MAST2: variants seen among roughly 807,000 people sequenced by gnomAD.
MAST2 encodes the protein microtubule-associated serine/threonine-protein kinase 2.
Under a neutral mutation model 147.4 loss-of-function variants are expected in MAST2, and 70 were observed. The observed-to-expected ratio is 0.47, with a 90% CI of 0.39 to 0.58. MAST2 has a LOEUF of 0.58. MAST2 is among the 20% of genes least tolerant of loss of function. MAST2 has a pLI of 0.00. For missense variants in MAST2, 2,080 were observed against 2,302.3 expected (o/e 0.90, Z 1.98); for synonymous variants, 869 against 896.8 (o/e 0.97, Z 0.55).
At chr1:45,869,536 C>CT (rs1646294138) in intron 3 of MAST2, among the ~76,000 whole-genome samples, 1 of 152,186 alleles carries the variant, frequency 6.6e-6, no homozygotes, top group Admixed American at 6.5e-5. Flanking sequence ...AACATAGTCT[C>CT]TATCAGTCCC....
At chr1:45,864,965 G>C (rs1294645533) in intron 3 of MAST2, 1 of 371,122 alleles carries the variant, frequency 2.7e-6, no homozygotes, top group Non-Finnish European at 5.3e-6. Flanking sequence ...ACTTACGCTG[G>C]ACAGAGGGAT....
intron 5 of MAST2, among the ~76,000 whole-genome samples, chr1:45,995,101 A>G (rs892894057): frequency 2.0e-5 from 3 of 152,086 alleles, no homozygotes; most frequent in African/African-American, 7.2e-5. Context: ...CAGCCTCCCA[A>G]AGTGCTGGGA....
chr1:45,939,992 T>TGTTTTTTTTGTTTTTTTTG (rs1470991333), intron 4 of MAST2, among the ~76,000 whole-genome samples: 5 of 138,756 alleles, frequency 3.6e-5, no homozygotes, highest in Non-Finnish European at 4.7e-5. Flanking sequence ...TTTTTTTTTT[T>TGTTTTTTTTGTTTTTTTTG]TTTTTTTTTG....
chr1:45,827,116 C>CCA (rs1644818553), intron 2 of MAST2, among the ~76,000 whole-genome samples: 1 of 152,166 alleles, frequency 6.6e-6, no homozygotes, highest in Admixed American at 6.6e-5. Flanking sequence ...GCGGGAGCCA[C>CCA]CACGCTCTGC....
At chr1:45,904,028 A>C (rs1330622981) in intron 4 of MAST2, among the ~76,000 whole-genome samples, 1 of 152,196 alleles carries the variant, frequency 6.6e-6, no homozygotes, top group Admixed American at 6.5e-5. Flanking sequence ...GTTTAGACAC[A>C]GGGTCTCAGT....
chr1:45,859,259 C>G (rs1164521087), intron 3 of MAST2, among the ~76,000 whole-genome samples: 1 of 152,114 alleles, frequency 6.6e-6, no homozygotes, highest in Non-Finnish European at 1.5e-5. Flanking sequence ...GCCATCACAC[C>G]CAGCTAATTG....
At chr1:45,937,747 ATC>A (rs1656480976) in intron 4 of MAST2, among the ~76,000 whole-genome samples, 1 of 71,948 alleles carries the variant, frequency 1.4e-5, no homozygotes, top group Non-Finnish European at 2.6e-5. Context: ...GTGAAACTCC[ATC>A]TCAAAAAAAA....
intron 3 of MAST2, among the ~76,000 whole-genome samples, chr1:45,859,798 C>G (rs1645916035): frequency 6.6e-6 from 1 of 152,130 alleles, no homozygotes; most frequent in South Asian, 2.1e-4. Flanking sequence ...GACTTTTTAT[C>G]TAGTCATTGG....
chr1:45,899,312 T>TTC (rs1366102657), intron 4 of MAST2, among the ~76,000 whole-genome samples: 10 of 146,666 alleles, frequency 6.8e-5, no homozygotes, highest in African/African-American at 2.0e-4. Context: ...CTTTTCTTTT[T>TTC]TTTTTTTTTT....
chr1:46,030,722 A>G lies in MAST2; in HGVS notation c.2669A>G (p.Lys890Arg). ...EDHSDGLAGLKGRDRSWVIGS... is the reference protein window; with the variant it reads ...EDHSDGLAGLRGRDRSWVIGS... ...CATTCAGATGGCCTGGCAGGGCTCA[A>G]AGGCCGAGACCGGAGCTGGGTGATT... The change falls in exon 22 of 29, where the codon AAA (lysine) becomes AGA (arginine). Residue 890 changes from lysine to arginine, a missense_variant. Lys to Arg is a conservative substitution (Grantham distance 26, BLOSUM62 2). Around this residue, in one of 4 missense-constraint regions of MAST2, gnomAD observed 1,278 missense variants for 1,304.2 expected, o/e 0.98. Coordinates refer to ENST00000361297, the MANE Select transcript of MAST2 (RefSeq NM_015112.3). The G allele has an allele frequency of 2.5e-6, 4 of 1,600,154 alleles. No homozygotes were observed. The highest frequency in any genetic ancestry group is 3.6e-5 in the Admixed American group (2 of 55,710).
chr1:45,953,887 A>G (rs1659287474), intron 4 of MAST2, among the ~76,000 whole-genome samples: 1 of 152,140 alleles, frequency 6.6e-6, no homozygotes, highest in Non-Finnish European at 1.5e-5. Flanking sequence ...AATATAATGG[A>G]TACGTAATAA....
intron 5 of MAST2, among the ~76,000 whole-genome samples, chr1:45,971,069 A>G (rs1422074239): frequency 3.9e-5 from 6 of 152,254 alleles, no homozygotes; most frequent in Non-Finnish European, 8.8e-5. Context: ...TATGACAATA[A>G]GAGCCTAACT....
intron 3 of MAST2, among the ~76,000 whole-genome samples, chr1:45,870,870 C>T (rs920042561): frequency 1.3e-5 from 2 of 151,786 alleles, no homozygotes; most frequent in South Asian, 4.2e-4. Context: ...TCGATGCTGC[C>T]GTGAGCCATG....
intron 5 of MAST2, among the ~76,000 whole-genome samples, chr1:45,971,820 G>T (rs541889557): frequency 6.6e-6 from 1 of 152,220 alleles, no homozygotes; most frequent in South Asian, 2.1e-4. Context: ...TATGTACACA[G>T]ACTTTTTCTG....
intron 5 of MAST2, among the ~76,000 whole-genome samples, chr1:45,961,921 A>AT (rs1660478502): frequency 8.1e-6 from 1 of 123,692 alleles, no homozygotes; most frequent in African/African-American, 3.1e-5. Flanking sequence ...TCCCTCCCCC[A>AT]TCCCCCCACC....
intron 3 of MAST2, among the ~76,000 whole-genome samples, chr1:45,853,080 A>C (rs1468859544): frequency 6.6e-6 from 1 of 151,948 alleles, no homozygotes; most frequent in Non-Finnish European, 1.5e-5. Flanking sequence ...ACAGTCGCCT[A>C]CCACCATGCT....
chr1:46,032,045 T>C, intron 24 of MAST2, 133 bp from the exon 25 acceptor site: 1 of 704,468 alleles, frequency 1.4e-6, no homozygotes, highest in Non-Finnish European at 2.5e-6. Context: ...GCTTCACAGG[T>C]CAGGGGCTGT....
intron 4 of MAST2, among the ~76,000 whole-genome samples, chr1:45,904,006 G>C (rs1650234215): frequency 6.6e-6 from 1 of 152,018 alleles, no homozygotes; most frequent in Non-Finnish European, 1.5e-5. Flanking sequence ...TTGCTTATTT[G>C]CTTATTTATT....
chr1:45,857,406 CCTTT>C (rs1452293911), intron 3 of MAST2, among the ~76,000 whole-genome samples: 1 of 152,124 alleles, frequency 6.6e-6, no homozygotes, highest in Non-Finnish European at 1.5e-5. Context: ...TATAAAAAGG[CCTTT>C]CTATTTGGAA....
Sources: gnomAD v4.1 joint callset for allele counts (sites outside exome capture counted in the v4.1 genomes callset) on GRCh38, gnomAD v4.1.1 for gene constraint, gnomAD v4.1.1 regional missense constraint, MANE v1.5 for transcripts, NCBI Gene and HGNC (gene_info 2026-07-23, HGNC 2026-07-21) for gene names.